Variants in KIAA0319L observed in about 807,000 individuals in gnomAD.
The protein encoded by KIAA0319L is KIAA0319 like, also known as dyslexia-associated protein KIAA0319-like protein.
KIAA0319L carries 55 observed loss-of-function variants against 120.1 expected under a neutral mutation model. The ratio of observed to expected loss-of-function variants is 0.46; its 90% CI spans 0.37 to 0.57. The LOEUF (loss-of-function observed/expected upper bound fraction) is 0.57, where lower values mean the gene tolerates loss of function less well. KIAA0319L is among the 20% of genes least tolerant of loss of function. KIAA0319L has a pLI of 0.00. For missense variants in KIAA0319L, 1,049 were observed against 1,255.3 expected (o/e 0.84, Z 2.48); for synonymous variants, 398 against 471.9 (o/e 0.84, Z 2.03).
chr1:35,487,904 A>G (rs1644449064), intron 3 of KIAA0319L, among the ~76,000 whole-genome samples: 1 of 152,222 alleles, frequency 6.6e-6, no homozygotes, highest in Admixed American at 6.5e-5. Flanking sequence ...GTTTAGAGGT[A>G]CATCCAGGGA....
intron 2 of KIAA0319L, among the ~76,000 whole-genome samples, chr1:35,533,804 C>T (rs1646464175): frequency 1.3e-5 from 2 of 152,108 alleles, no homozygotes; most frequent in African/African-American, 2.4e-5. Flanking sequence ...TCACAGGAAC[C>T]GTTCAAAAAC....
intron 2 of KIAA0319L, among the ~76,000 whole-genome samples, chr1:35,531,861 G>A (rs1433953493): frequency 6.6e-6 from 1 of 152,144 alleles, no homozygotes; most frequent in East Asian, 1.9e-4. Flanking sequence ...AGTAAAAAAT[G>A]TGAGGCCTAG....
chr1:35,447,306 C>G (rs1230861974), intron 16 of KIAA0319L, among the ~76,000 whole-genome samples: 1 of 151,110 alleles, frequency 6.6e-6, no homozygotes, highest in Admixed American at 6.6e-5. Flanking sequence ...AAACTTCACA[C>G]ACATAAAACA....
At chr1:35,481,308 A>G (rs1644153577) in intron 3 of KIAA0319L, among the ~76,000 whole-genome samples, 1 of 152,232 alleles carries the variant, frequency 6.6e-6, no homozygotes, top group South Asian at 2.1e-4. Flanking sequence ...GTTACTTAGG[A>G]GAATTGCTGG....
chr1:35,523,014 T>TAAAA (rs58518920), intron 2 of KIAA0319L, among the ~76,000 whole-genome samples: 61 of 62,502 alleles, frequency 9.8e-4, no homozygotes, highest in African/African-American at 3.1e-3. Flanking sequence ...AAACTCCACA[T>TAAAA]AAAAAAAAAA....
At chr1:35,493,355 T>C (rs1644671821) in intron 3 of KIAA0319L, among the ~76,000 whole-genome samples, 1 of 152,128 alleles carries the variant, frequency 6.6e-6, no homozygotes. Flanking sequence ...TAAACATTTT[T>C]TTAATGAAAT....
chr1:35,461,470 A>C (rs1215025617), intron 8 of KIAA0319L, among the ~76,000 whole-genome samples: 1 of 152,220 alleles, frequency 6.6e-6, no homozygotes, highest in African/African-American at 2.4e-5. Flanking sequence ...CTGTCTCAAA[A>C]AAAAAAGAAA....
At chr1:35,503,086 C>A (rs978409251) in intron 3 of KIAA0319L, among the ~76,000 whole-genome samples, 1 of 151,896 alleles carries the variant, frequency 6.6e-6, no homozygotes, top group African/African-American at 2.4e-5. Flanking sequence ...TAGACCTTTA[C>A]CCCACTCTCT....
At chr1:35,438,055 A>G (rs1033759486) in intron 20 of KIAA0319L, among the ~76,000 whole-genome samples, 1 of 151,148 alleles carries the variant, frequency 6.6e-6, no homozygotes, top group Non-Finnish European at 1.5e-5. Context: ...ACTTGTAGCC[A>G]CTCCCCTTCA....
chr1:35,506,686 G>A lies in KIAA0319L; in HGVS notation c.592C>T (p.Pro198Ser), dbSNP rs367669384. The change falls in exon 3 of 21, where the codon CCT becomes TCT. Residue 198 changes from proline (P) to serine (S), a missense_variant. Physicochemically the swap from Pro to Ser is moderately conservative, Grantham distance 74 (BLOSUM62 -1). Transcript: ENST00000325722. This position sits in a 1 kb window ranked among gnomAD's most constrained non-coding sequence, Gnocchi z 4.0. Reference protein sequence around the residue: ...KRGSPSDVVTPIVTQHSKVND... With the variant: ...KRGSPSDVVTSIVTQHSKVND... ...ACTTTAGAATGCTGTGTCACTATAGGTGTAACTACGTCACTGGGACTACCT... is the reference window on the plus strand; with the variant it reads ...ACTTTAGAATGCTGTGTCACTATAGATGTAACTACGTCACTGGGACTACCT... 3.7e-6 allele frequency: 6 copies of A among 1,613,998 alleles called. No homozygotes were observed. In the African/African-American group the frequency reaches 4.0e-5, roughly 11 times the overall value.
Position 35,506,926 on chromosome 1 carries a change from C to G in KIAA0319L, c.352G>C (p.Ala118Pro), listed in dbSNP as rs1177307639. The change falls in exon 3 of 21, where the codon GCT becomes CCT. Residue 118 changes from alanine to proline, a missense_variant. Physicochemically the swap from Ala to Pro is conservative, Grantham distance 27. Transcript: ENST00000325722. This position sits in a 1 kb window ranked among gnomAD's most constrained non-coding sequence, Gnocchi z 4.0. Reference protein sequence around the residue: ...ADCSRPQSCRAFRTHSSNSML... With the variant: ...ADCSRPQSCRPFRTHSSNSML... ...GAATTGGAGGAGTGTGTCCTAAAAG[C>G]CCGGCAGCTCTGGGGCCTGCTGCAG... 1.2e-6 allele frequency: 2 copies of G among 1,614,098 alleles called. No individual in the cohort carries two copies. The highest frequency in any genetic ancestry group is 1.1e-5 in the South Asian group (1 of 91,076).
intron 8 of KIAA0319L, among the ~76,000 whole-genome samples, chr1:35,461,043 T>A (rs1642855488): frequency 2.6e-5 from 4 of 152,192 alleles, no homozygotes; most frequent in Admixed American, 2.6e-4. Context: ...GAAAGTAATC[T>A]AAATGGTCAT....
chr1:35,447,053 C>T (rs560454223), intron 16 of KIAA0319L, among the ~76,000 whole-genome samples: 9 of 152,110 alleles, frequency 5.9e-5, no homozygotes, highest in Non-Finnish European at 1.0e-4. Flanking sequence ...CACCTTCATT[C>T]GTAAAGGGCC....
At chr1:35,554,306 CT>C in intron 2 of KIAA0319L, 43 bp downstream of exon 2, 5 of 1,470,184 alleles carry the variant, frequency 3.4e-6, no homozygotes, top group Non-Finnish European at 3.6e-6. Flanking sequence ...ATAAAATGCC[CT>C]TTTCTAAAAA....
chr1:35,446,849 T>C (rs187652718), intron 16 of KIAA0319L, among the ~76,000 whole-genome samples: 31 of 152,328 alleles, frequency 2.0e-4, no homozygotes, highest in African/African-American at 7.0e-4. Context: ...CAGTAACTCC[T>C]ATCTCGGGCT....
intron 5 of KIAA0319L, among the ~76,000 whole-genome samples, chr1:35,471,796 T>C (rs1295554928): frequency 6.6e-6 from 1 of 152,222 alleles, no homozygotes; most frequent in Non-Finnish European, 1.5e-5. Flanking sequence ...ATCTTTTTCT[T>C]ATTTCATGAG....
chr1:35,503,645 A>G (rs1311715320), intron 3 of KIAA0319L, among the ~76,000 whole-genome samples: 1 of 152,050 alleles, frequency 6.6e-6, no homozygotes, highest in African/African-American at 2.4e-5. Flanking sequence ...TTTTAGTACA[A>G]TGGTTCTCTT....
chr1:35,514,079 G>A (rs746820537), intron 2 of KIAA0319L, among the ~76,000 whole-genome samples: 2 of 152,142 alleles, frequency 1.3e-5, no homozygotes, highest in Non-Finnish European at 2.9e-5. Flanking sequence ...TTCTAAATTT[G>A]TATATTCTAG....
intron 2 of KIAA0319L, among the ~76,000 whole-genome samples, chr1:35,519,395 T>C (rs1645819577): frequency 6.6e-6 from 1 of 152,244 alleles, no homozygotes; most frequent in Admixed American, 6.5e-5. Context: ...TGATGGCTTC[T>C]AATTCTACGT....
Sources: gnomAD v4.1 joint callset for allele counts (sites outside exome capture counted in the v4.1 genomes callset) on GRCh38, gnomAD v4.1.1 for gene constraint, Gnocchi (gnomAD v3.1) non-coding constraint, MANE v1.5 for transcripts, NCBI Gene and HGNC (gene_info 2026-07-23, HGNC 2026-07-21) for gene names.